The following ATR variants were observed in gnomAD, a reference collection of about 807,000 sequenced individuals.
ATR encodes serine/threonine-protein kinase ATR.
ATR carries 142 observed loss-of-function variants against 305.3 expected under a neutral mutation model. That is an observed-to-expected ratio of 0.47 (90% CI 0.41 to 0.53). The LOEUF is 0.53. Among genes scored for constraint, ATR ranks in the 20% least tolerant of loss-of-function variants. The pLI is 0.00. For synonymous variants in ATR, 1,050 were observed against 1,068.1 expected, an observed-to-expected ratio of 0.98 and a Z score of 0.33; for missense variants, 2,135 against 3,133.1, an observed-to-expected ratio of 0.68 and a Z score of 7.60.
Position 142,512,219 on chromosome 3 carries a change from CTAA to C in ATR, c.4852+38_4852+40del, listed in dbSNP as rs1559952696. 8 of 975,444 alleles carry C rather than the reference CTAA, an allele frequency of 8.2e-6. No homozygotes were observed. The South Asian group carries it at 1.1e-4, about 13-fold the overall frequency. The allele number at this position is 975,444 out of a possible 1,614,324, so 60.4% of individuals were successfully genotyped here. Reference sequence around the variant, plus strand: ...AAGGGAAGAGCTAATTGGTGAATAGCTAAAAAAAAAAAAAAAAAAGAAACAGAA... The same window carrying C: ...AAGGGAAGAGCTAATTGGTGAATAGCAAAAAAAAAAAAAAAAGAAACAGAA... On this transcript the variant is annotated intron_variant, in intron 27 of 46. Coordinates refer to ENST00000350721, the MANE Select transcript of ATR (RefSeq NM_001184.4).
intron 31 of ATR, 91 bp downstream of exon 31, chr3:142,499,536 C>A: frequency 8.7e-7 from 1 of 1,143,660 alleles, no homozygotes; most frequent in Non-Finnish European, 1.3e-6. Flanking sequence ...CCTCATGATC[C>A]GCCCGCCTCA....
At position 142,500,114 on chromosome 3, in the gene ATR, A is replaced by G. The variant is rs960237706; in HGVS notation, c.5289-396T>C. ...ATAAATTCAGAGGTAAGCAATTCCA[A>G]TAACTCAGAATTCTGAATTAAATTT... On this transcript the variant is annotated intron_variant, in intron 30 of 46. Coordinates refer to ENST00000350721, the MANE Select transcript of ATR (RefSeq NM_001184.4). 6 of 183,480 alleles carry G rather than the reference A, an allele frequency of 3.3e-5. No individual in the cohort carries two copies. In the South Asian group the frequency reaches 6.5e-4, roughly 20 times the overall value. 11.4% of individuals were successfully genotyped at this position (183,480 alleles called of 1,614,324 possible).
At chr3:142,537,815 A>T (rs1386732864) in intron 19 of ATR, among the ~76,000 whole-genome samples, 3 of 152,348 alleles carry the variant, frequency 2.0e-5, no homozygotes. Flanking sequence ...CAAATGGGAA[A>T]GAATAATGCA....
intron 32 of ATR, 120 bp from the exon 33 acceptor site, chr3:142,497,312 G>T: frequency 2.0e-6 from 2 of 1,001,428 alleles, no homozygotes; most frequent in Non-Finnish European, 2.9e-6. Context: ...GTCTTTGGTA[G>T]AACTTTAATA....
At chr3:142,496,325 T>TACACATAC (rs779839333) in intron 34 of ATR, 36 bp downstream of exon 34, 1 of 355,236 alleles carries the variant, frequency 2.8e-6, no homozygotes, top group African/African-American at 3.0e-5. Flanking sequence ...TATATATATA[T>TACACATAC]ATATATATAT....
At position 142,562,237 on chromosome 3, in the gene ATR, C is replaced by T. The variant is rs771295593; in HGVS notation, c.1165G>A (p.Ala389Thr). 1.2e-6 allele frequency: 2 copies of T among 1,613,894 alleles called. No homozygotes were observed. Among genetic ancestry groups the T allele is most frequent in the African/African-American group, 1.3e-5 (1 of 74,904 alleles). ...TAACCTGAAAAATTACTTACCTCTG[C>T]ATCTACCTCAATTCCAAGCACATCC... ...LLDVLGIEVD[A>T]EYLLGPLYAA... The change falls in exon 4 of 47, where the codon GCA (alanine) becomes ACA (threonine). Residue 389 changes from alanine (A) to threonine (T), a missense_variant. Transcript: ENST00000350721.
Position 142,562,586 on chromosome 3 carries a change from T to C in ATR, c.816A>G (p.Ser272=), listed in dbSNP as rs34685245. Residue 272 remains serine, a synonymous_variant, in exon 4 of 47, where the codon TCA becomes TCG. Coordinates refer to ENST00000350721, the MANE Select transcript of ATR (RefSeq NM_001184.4). ...PAQPASTFFS[S]FLELLKHLVE... ...CAAGGTGTTTTAATAATTCCAAAAA[T>C]GAGCTGAAAAAAGTGCTAGCTGGTT... 4.0e-4 allele frequency: 648 copies of C among 1,613,944 alleles called. 5 individuals carry two copies. The African/African-American group carries it at 7.0e-3, about 17-fold the overall frequency.
intron 28 of ATR, among the ~76,000 whole-genome samples, chr3:142,507,357 C>G (rs1036659077): frequency 6.6e-6 from 1 of 152,024 alleles, no homozygotes; most frequent in African/African-American, 2.4e-5. Context: ...TAACTCACTC[C>G]CAAATTCAGG....
chr3:142,478,005 A>G (rs920155016), intron 36 of ATR, among the ~76,000 whole-genome samples: 2 of 152,052 alleles, frequency 1.3e-5, no homozygotes, highest in Non-Finnish European at 2.9e-5. Context: ...TCTAGCTAGC[A>G]GTCTATCAAT....
chr3:142,487,162 G>A (rs1166083278), intron 35 of ATR, among the ~76,000 whole-genome samples: 1 of 151,908 alleles, frequency 6.6e-6, no homozygotes, highest in Non-Finnish European at 1.5e-5. Context: ...TTAGAGACAA[G>A]GTTTTGCCCT....
At chr3:142,549,788 A>G (rs2034408759) in intron 14 of ATR, 115 bp from the exon 15 acceptor site, 3 of 893,264 alleles carry the variant, frequency 3.4e-6, no homozygotes, top group Non-Finnish European at 5.3e-6. Context: ...AGTCCACTCC[A>G]TACTATAAAA....
intron 36 of ATR, among the ~76,000 whole-genome samples, chr3:142,478,122 C>T (rs1459026652): frequency 6.6e-6 from 1 of 152,122 alleles, no homozygotes; most frequent in Non-Finnish European, 1.5e-5. Flanking sequence ...TATTTCTTGC[C>T]TTCTGCCAGC....
At chr3:142,555,359 T>C (rs1340633159) in intron 10 of ATR, among the ~76,000 whole-genome samples, 1 of 152,144 alleles carries the variant, frequency 6.6e-6, no homozygotes, top group Non-Finnish European at 1.5e-5. Context: ...AAAGTTTCTA[T>C]TGAAACTTCA....
At chr3:142,465,274 CA>C in intron 40 of ATR, 34 bp from the exon 41 acceptor site, 1 of 1,566,354 alleles carries the variant, frequency 6.4e-7, no homozygotes, top group Non-Finnish European at 8.7e-7. Flanking sequence ...GAATTAGGGC[CA>C]AAAATTTCTG....
At chr3:142,531,051 ATC>A (rs1334944667) in intron 21 of ATR, among the ~76,000 whole-genome samples, 1 of 152,132 alleles carries the variant, frequency 6.6e-6, no homozygotes, top group African/African-American at 2.4e-5. Context: ...CTCCACAGAT[ATC>A]TCTGTTAGTT....
chr3:142,553,748 A>G lies in ATR; in HGVS notation c.2533-8T>C, dbSNP rs2034562781. Reference sequence around the variant, plus strand: ...CATTCTTAAGACAAAAAGCTAGAACAATAAAATTAACTGGTTAAAGAAATT... The same window carrying G: ...CATTCTTAAGACAAAAAGCTAGAACGATAAAATTAACTGGTTAAAGAAATT... On this transcript the variant is annotated splice_region_variant and splice_polypyrimidine_tract_variant and intron_variant, in intron 11 of 46. Transcript: ENST00000350721. 2 of 1,611,336 alleles carry G rather than the reference A, an allele frequency of 1.2e-6. No homozygotes were observed. The highest frequency in any genetic ancestry group is 1.7e-6 in the Non-Finnish European group (2 of 1,177,728).
At chr3:142,559,485 AT>A in intron 6 of ATR, 44 bp from the exon 7 acceptor site, 1 of 1,575,172 alleles carries the variant, frequency 6.3e-7, no homozygotes, top group African/African-American at 1.3e-5. Context: ...ATTAAGATGA[AT>A]TTTGTTATAG....
intron 46 of ATR, chr3:142,451,004 A>G: frequency 8.0e-7 from 1 of 1,246,256 alleles, no homozygotes; most frequent in Non-Finnish European, 1.0e-6. Flanking sequence ...TGTGAACTAC[A>G]CCATCAATTC....
At chr3:142,475,115 A>G (rs929269396) in intron 36 of ATR, among the ~76,000 whole-genome samples, 9 of 152,320 alleles carry the variant, frequency 5.9e-5, no homozygotes, top group African/African-American at 2.2e-4. Context: ...GTTTTTAATT[A>G]TACTTTAAGT....
Sources: allele counts gnomAD v4.1 joint callset (sites outside exome capture counted in the v4.1 genomes callset), GRCh38; gene constraint gnomAD v4.1.1; transcripts MANE v1.5; gene names NCBI Gene and HGNC (gene_info 2026-07-23, HGNC 2026-07-21).